Variants in PPP1R12B observed in about 807,000 individuals in gnomAD.
PPP1R12B encodes myosin phosphatase target subunit 2.
A neutral mutation model predicts 126.1 loss-of-function variants in PPP1R12B; 76 were observed. That is an observed-to-expected ratio of 0.60 (90% CI 0.50 to 0.73). PPP1R12B has a LOEUF of 0.73. Among genes scored for constraint, PPP1R12B ranks in the 30% least tolerant of loss-of-function variants. The pLI, the probability that PPP1R12B is intolerant of heterozygous loss-of-function variation, is 0.00. For synonymous variants in PPP1R12B, 356 were observed against 434.7 expected, an observed-to-expected ratio of 0.82 and a Z score of 2.25; for missense variants, 1,052 against 1,205.1, an observed-to-expected ratio of 0.87 and a Z score of 1.88.
intron 13 of PPP1R12B, among the ~76,000 whole-genome samples, chr1:202,483,445 AAG>A (rs1020944200): frequency 2.2e-4 from 33 of 152,256 alleles, no homozygotes; most frequent in Admixed American, 1.5e-3. Flanking sequence ...TATATGTAAA[AAG>A]AGAGAAAGAC....
intron 18 of PPP1R12B, among the ~76,000 whole-genome samples, chr1:202,545,942 TTAG>T (rs1685610917): frequency 6.6e-6 from 1 of 152,152 alleles, no homozygotes; most frequent in African/African-American, 2.4e-5. Context: ...CACGTGAGGC[TTAG>T]TATATAATTT....
chr1:202,377,321 T>G (rs1419685010), intron 1 of PPP1R12B, among the ~76,000 whole-genome samples: 1 of 148,608 alleles, frequency 6.7e-6, no homozygotes, highest in Non-Finnish European at 1.5e-5. Context: ...GGTAGTATCT[T>G]TTTTTTTTTT....
chr1:202,563,936 G>T (rs1302003367), intron 20 of PPP1R12B, among the ~76,000 whole-genome samples: 1 of 152,126 alleles, frequency 6.6e-6, no homozygotes, highest in Non-Finnish European at 1.5e-5. Context: ...GGGCATGGTG[G>T]CTCATGCCTG....
At chr1:202,424,406 C>A (rs1358266756) in intron 3 of PPP1R12B, among the ~76,000 whole-genome samples, 4 of 151,898 alleles carry the variant, frequency 2.6e-5, no homozygotes, top group Non-Finnish European at 5.9e-5. Context: ...TCATTGCAAC[C>A]TCCGCCTCCC....
chr1:202,403,521 G>T (rs1415206713), intron 1 of PPP1R12B, among the ~76,000 whole-genome samples: 1 of 152,172 alleles, frequency 6.6e-6, no homozygotes, highest in Non-Finnish European at 1.5e-5. Context: ...CTGTTGTGTG[G>T]GCTGCTGTAC....
intron 19 of PPP1R12B, 101 bp from the exon 20 acceptor site, chr1:202,562,677 A>T (rs778378554): frequency 7.5e-7 from 1 of 1,327,702 alleles, no homozygotes; most frequent in South Asian, 1.2e-5. Context: ...CAGGGCTCCG[A>T]AATACTTCTT....
At chr1:202,387,366 G>C (rs570812516) in intron 1 of PPP1R12B, among the ~76,000 whole-genome samples, 1 of 152,308 alleles carries the variant, frequency 6.6e-6, no homozygotes, top group East Asian at 1.9e-4. Flanking sequence ...GTCTCAAAAA[G>C]ATATGGGGAT....
chr1:202,479,386 A>T (rs1243943094), intron 13 of PPP1R12B, among the ~76,000 whole-genome samples: 1 of 152,234 alleles, frequency 6.6e-6, no homozygotes, highest in Non-Finnish European at 1.5e-5. Context: ...AGCAAGTGAG[A>T]ACTTGAGGGA....
intron 1 of PPP1R12B, among the ~76,000 whole-genome samples, chr1:202,358,388 A>G (rs1313338767): frequency 6.6e-6 from 1 of 152,192 alleles, no homozygotes; most frequent in African/African-American, 2.4e-5. Flanking sequence ...TTCAATTGAA[A>G]AACTGAAGCT....
At chr1:202,510,208 C>T (rs1293267874) in intron 18 of PPP1R12B, among the ~76,000 whole-genome samples, 2 of 152,088 alleles carry the variant, frequency 1.3e-5, no homozygotes, top group Non-Finnish European at 2.9e-5. Flanking sequence ...GAGCTAAGGG[C>T]GTGTGTAGAT....
intron 1 of PPP1R12B, among the ~76,000 whole-genome samples, chr1:202,359,200 A>G (rs918257042): frequency 1.3e-5 from 2 of 151,472 alleles, no homozygotes; most frequent in Admixed American, 6.6e-5. Flanking sequence ...GCTGGAGTGC[A>G]GTGGTGCGAT....
At chr1:202,533,541 A>G (rs1194010874) in intron 18 of PPP1R12B, among the ~76,000 whole-genome samples, 1 of 151,096 alleles carries the variant, frequency 6.6e-6, no homozygotes, top group Admixed American at 6.6e-5. Context: ...CTAATCTTGA[A>G]CCCCTGGGCT....
intron 18 of PPP1R12B, among the ~76,000 whole-genome samples, chr1:202,511,222 GTT>G (rs1253795454): frequency 1.4e-5 from 2 of 143,932 alleles, no homozygotes. Flanking sequence ...CCACTATGTA[GTT>G]TTTTTTTTTT....
intron 23 of PPP1R12B, among the ~76,000 whole-genome samples, chr1:202,579,129 T>C (rs1480863447): frequency 6.6e-6 from 1 of 152,270 alleles, no homozygotes; most frequent in African/African-American, 2.4e-5. Flanking sequence ...TTTCTTTTTA[T>C]TTCCCTGATA....
rs893110291 is a variant in PPP1R12B, at chr1:202,589,246, G to A, written c.*8686G>A. On this transcript the variant is annotated 3_prime_UTR_variant, in exon 24 of 24. Coordinates refer to ENST00000608999, the MANE Select transcript of PPP1R12B (RefSeq NM_002481.4). ...GGCCCGCTGGCAGGGTTTGTACGTG[G>A]GTGGCCAGGTCTGACCCCAGGCAGC... 6.6e-6 allele frequency: 1 copy of A among 152,210 alleles called. No homozygotes were observed. The highest frequency in any genetic ancestry group is 1.5e-5 in the Non-Finnish European group (1 of 68,060). The allele number at this position is 152,210 out of a possible 1,614,324, so 9.4% of individuals were successfully genotyped here. A position where few individuals can be genotyped will look rare whatever the true frequency, so the allele number is the denominator to read the frequency against.
At chr1:202,533,289 A>ATTTTG (rs58502239) in intron 18 of PPP1R12B, among the ~76,000 whole-genome samples, 4,829 of 148,882 alleles carry the variant, frequency 0.032, 97 homozygotes, top group African/African-American at 0.041. Flanking sequence ...TTTTGGGGGT[A>ATTTTG]TTTTGTTTTG....
chr1:202,546,584 A>G (rs1685673204), intron 18 of PPP1R12B, among the ~76,000 whole-genome samples: 1 of 152,152 alleles, frequency 6.6e-6, no homozygotes, highest in Admixed American at 6.5e-5. Context: ...AGCCTGGGCA[A>G]CAGAATGAGA....
intron 1 of PPP1R12B, among the ~76,000 whole-genome samples, chr1:202,373,018 T>A (rs1344389348): frequency 1.3e-5 from 2 of 152,030 alleles, no homozygotes; most frequent in African/African-American, 2.4e-5. Flanking sequence ...CGCAGCAACC[T>A]TCGCCTCCCT....
At chr1:202,440,820 C>T (rs1027673132) in intron 11 of PPP1R12B, 32 bp downstream of exon 11, 4 of 1,559,362 alleles carry the variant, frequency 2.6e-6, no homozygotes, top group Non-Finnish European at 3.5e-6. Context: ...AGATGGTCCT[C>T]ATCCTCTTAG....
Sources: gnomAD v4.1 joint callset for allele counts (sites outside exome capture counted in the v4.1 genomes callset) on GRCh38, gnomAD v4.1.1 for gene constraint, MANE v1.5 for transcripts, NCBI Gene and HGNC (gene_info 2026-07-23, HGNC 2026-07-21) for gene names.